Variants in SNRK observed in about 807,000 individuals in gnomAD.
SNRK encodes the protein SNF related kinase.
SNRK carries 3 observed loss-of-function variants against 48.2 expected under a neutral mutation model. The ratio of observed to expected loss-of-function variants is 0.06; its 90% CI spans 0.03 to 0.16. SNRK has a LOEUF of 0.16. SNRK is among the 10% of genes least tolerant of loss of function. The pLI, the probability that SNRK is intolerant of heterozygous loss-of-function variation, is 1.00. For synonymous variants in SNRK, 376 were observed against 366.1 expected (o/e 1.03, Z -0.31); for missense variants, 627 against 976.0 (o/e 0.64, Z 4.76).
At chr3:43,297,115 T>C (rs2090861897) in intron 1 of SNRK, among the ~76,000 whole-genome samples, 1 of 152,226 alleles carries the variant, frequency 6.6e-6, no homozygotes, top group African/African-American at 2.4e-5. Context: ...TTATCTTAGC[T>C]GTATAGTCAT....
intron 1 of SNRK, among the ~76,000 whole-genome samples, chr3:43,296,418 A>ATATATATATATATATATATATATATG (rs1164211741): frequency 4.6e-5 from 6 of 130,322 alleles, no homozygotes; most frequent in Admixed American, 2.3e-4. Context: ...ATACTGGCAT[A>ATATATATATATATATATATATATATG]TATATATATA....
Position 43,347,468 on chromosome 3 carries a change from G to A in SNRK, c.1209G>A (p.Arg403=). ...CTGACAGTGTCCTCAATGGCCACAG[G>A]AGCAAAGGCCTGTGTGACTCAGCTA... ...RAADSVLNGH[R]SKGLCDSAKK... is the part of the protein sequence containing the mutation. Residue 403 remains arginine, a synonymous_variant, in exon 7 of 7, where the codon AGG becomes AGA. Transcript: ENST00000296088. The surrounding 1 kb of genome is among the most constrained non-coding windows in gnomAD (Gnocchi z 5.4). 1 of 1,614,028 alleles carries A rather than the reference G, an allele frequency of 6.2e-7. No homozygotes were observed.
intron 3 of SNRK, among the ~76,000 whole-genome samples, chr3:43,317,051 T>C (rs891112274): frequency 1.3e-5 from 2 of 152,206 alleles, no homozygotes; most frequent in African/African-American, 4.8e-5. Context: ...TGCCTCTTAC[T>C]CCCTTCCTGT....
intron 1 of SNRK, among the ~76,000 whole-genome samples, chr3:43,294,590 C>T (rs982925513): frequency 3.9e-5 from 6 of 152,096 alleles, no homozygotes; most frequent in Non-Finnish European, 8.8e-5. Context: ...TCAACCTGTA[C>T]ACATATTGCC....
chr3:43,303,695 A>C lies in SNRK; in HGVS notation c.492A>C (p.Lys164Asn). Residue 164 changes from lysine (K) to asparagine (N), a missense_variant, in exon 3 of 7, where the codon AAA (lysine) becomes AAC (asparagine). This residue lies in a region of SNRK where 147 missense variants were observed against 356.8 expected (regional missense o/e 0.41). Transcript: ENST00000296088. This position sits in a 1 kb window ranked among gnomAD's most constrained non-coding sequence, Gnocchi z 6.2. ...VKLTDFGFSN[K>N]FQPGKKLTTS... ...TGACAGACTTTGGGTTCAGCAACAA[A>C]TTTCAACCAGGGAAGAAGCTCACTA... 6.2e-7 allele frequency: 1 copy of C among 1,614,098 alleles called. No individual in the cohort carries two copies. The highest frequency in any genetic ancestry group is 8.5e-7 in the Non-Finnish European group (1 of 1,180,004).
At chr3:43,346,225 T>G (rs1205620341) in intron 6 of SNRK, among the ~76,000 whole-genome samples, 1 of 152,116 alleles carries the variant, frequency 6.6e-6, no homozygotes, top group Non-Finnish European at 1.5e-5. Flanking sequence ...AAATTTAAAT[T>G]TTTTTTTAAT....
At chr3:43,320,451 C>T (rs1037881220) in intron 3 of SNRK, among the ~76,000 whole-genome samples, 5 of 152,092 alleles carry the variant, frequency 3.3e-5, no homozygotes, top group African/African-American at 1.2e-4. Context: ...GGAAGGAAGC[C>T]CCTGAGATGG....
chr3:43,332,335 A>C (rs1372288693), intron 4 of SNRK, 25 bp downstream of exon 4: 1 of 1,356,324 alleles, frequency 7.4e-7, no homozygotes, highest in Non-Finnish European at 9.6e-7. Flanking sequence ...GTATGTGGAA[A>C]CCTTAAGGAC....
intron 3 of SNRK, among the ~76,000 whole-genome samples, chr3:43,317,858 C>A (rs2091025068): frequency 6.6e-6 from 1 of 152,204 alleles, no homozygotes; most frequent in African/African-American, 2.4e-5. Context: ...GGCTCTGTTA[C>A]CTCCATTTGT....
chr3:43,336,417 C>T (rs2125642496), intron 4 of SNRK, among the ~76,000 whole-genome samples: 1 of 152,182 alleles, frequency 6.6e-6, no homozygotes, highest in African/African-American at 2.4e-5. Context: ...CTGCAGCCTT[C>T]AACTCCTGGG....
At chr3:43,337,850 A>T (rs1334615196) in intron 4 of SNRK, among the ~76,000 whole-genome samples, 1 of 152,050 alleles carries the variant, frequency 6.6e-6, no homozygotes, top group Non-Finnish European at 1.5e-5. Context: ...ATTTACCTCC[A>T]CCTGGTGTCT....
Position 43,332,282 on chromosome 3 carries a change from C to G in SNRK, c.703C>G (p.Pro235Ala), listed in dbSNP as rs2125639287. The G allele has an allele frequency of 6.4e-7, 1 of 1,573,476 alleles. No individual in the cohort carries two copies. Among genetic ancestry groups the G allele is most frequent in the East Asian group, 2.3e-5 (1 of 43,186 alleles). ...GATCATGGATTGCAAATATACAGTACCATCCCATGTGTCTAAAGAGTGTAA... is the reference window on the plus strand; with the variant it reads ...GATCATGGATTGCAAATATACAGTAGCATCCCATGTGTCTAAAGAGTGTAA... ...TMIMDCKYTV[P>A]SHVSKECKDL... is the part of the protein sequence containing the mutation. Residue 235 changes from proline (P) to alanine (A), a missense_variant, in exon 4 of 7, where the codon CCA (proline) becomes GCA (alanine). Around this residue, in one of 4 missense-constraint regions of SNRK, gnomAD observed 147 missense variants for 356.8 expected, o/e 0.41. Coordinates refer to ENST00000296088, the MANE Select transcript of SNRK (RefSeq NM_017719.5).
rs960897735 is a variant in SNRK, at chr3:43,292,145, T to C, written c.-169+5470T>C. Among the ~76,000 whole-genome samples the C allele has an allele frequency of 8.5e-5, 13 of 152,336 alleles. No individual in the cohort carries two copies. The East Asian group carries it at 2.5e-3, about 29-fold the overall frequency. On this transcript the variant is annotated intron_variant, in intron 1 of 6. Coordinates refer to ENST00000296088, the MANE Select transcript of SNRK (RefSeq NM_017719.5). ...AAATTAGAAATAAGACAAAAATCCA[T>C]GGTTTTGCTTTACTCGTTTCTGTAT... is the stretch of plus-strand genomic sequence containing the variant.
At chr3:43,339,292 A>G (rs2091214596) in intron 4 of SNRK, among the ~76,000 whole-genome samples, 1 of 152,186 alleles carries the variant, frequency 6.6e-6, no homozygotes, top group African/African-American at 2.4e-5. Flanking sequence ...CTGAAGCTGG[A>G]GTCCTAGCTC....
chr3:43,290,310 C>A (rs915829695), intron 1 of SNRK, among the ~76,000 whole-genome samples: 28 of 152,198 alleles, frequency 1.8e-4, no homozygotes, highest in African/African-American at 6.5e-4. Context: ...CACACCCTTT[C>A]TAATAAAGCT....
chr3:43,305,164 A>G (rs927112155), intron 3 of SNRK, among the ~76,000 whole-genome samples: 1 of 152,244 alleles, frequency 6.6e-6, no homozygotes, highest in Non-Finnish European at 1.5e-5. Flanking sequence ...TGGTAAGACC[A>G]TAGAATATCA....
In SNRK at chr3:43,347,229, TTTTC is replaced by T. The variant is rs1316099418; in HGVS notation, c.1080-106_1080-103del. 5.8e-6 allele frequency: 7 copies of T among 1,216,352 alleles called. No homozygotes were observed. The highest frequency in any genetic ancestry group is 6.7e-6 in the Non-Finnish European group (6 of 895,672). The allele number at this position is 1,216,352 out of a possible 1,614,324, so 75.3% of individuals were successfully genotyped here. ...GAATGGGTTTGCAAGGCTGCTGCTT[TTTTC>T]TTTAAGTCTGTAGATTTTGTCCCAG... is the stretch of plus-strand genomic sequence containing the variant. On this transcript the variant is annotated intron_variant, in intron 6 of 6. Coordinates refer to ENST00000296088, the MANE Select transcript of SNRK (RefSeq NM_017719.5). This position sits in a 1 kb window ranked among gnomAD's most constrained non-coding sequence, Gnocchi z 5.4.
At chr3:43,307,871 G>A (rs1291514764) in intron 3 of SNRK, among the ~76,000 whole-genome samples, 1 of 152,198 alleles carries the variant, frequency 6.6e-6, no homozygotes, top group African/African-American at 2.4e-5. Context: ...GACATAGTGA[G>A]GCAAGATAGA....
At chr3:43,287,785 T>C (rs2090777939) in intron 1 of SNRK, among the ~76,000 whole-genome samples, 1 of 152,230 alleles carries the variant, frequency 6.6e-6, no homozygotes. Context: ...CTTATCAGAA[T>C]ATATACAGCA....
Sources: allele counts gnomAD v4.1 joint callset (sites outside exome capture counted in the v4.1 genomes callset), GRCh38; gene constraint gnomAD v4.1.1; regional missense constraint gnomAD v4.1.1; non-coding constraint Gnocchi (gnomAD v3.1); transcripts MANE v1.5; gene names NCBI Gene and HGNC (gene_info 2026-07-23, HGNC 2026-07-21).